Variants in PHACTR3 observed in about 807,000 individuals in gnomAD.
PHACTR3 encodes phosphatase and actin regulator 3.
A neutral mutation model predicts 66.8 loss-of-function variants in PHACTR3; 16 were observed. That is an observed-to-expected ratio of 0.24 (90% CI 0.16 to 0.36). PHACTR3 has a LOEUF of 0.36. Ranked by LOEUF, PHACTR3 falls within the 10% of genes least tolerant of loss-of-function variation. The pLI is 1.00. For synonymous variants in PHACTR3, 323 were observed against 292.1 expected (o/e 1.11, Z -1.08); for missense variants, 647 against 719.9 (o/e 0.90, Z 1.16).
At chr20:59,653,303 G>T (rs1417888437) in intron 1 of PHACTR3, among the ~76,000 whole-genome samples, 2 of 151,748 alleles carry the variant, frequency 1.3e-5, no homozygotes, top group Non-Finnish European at 2.9e-5. Context: ...TCCTGTCTCA[G>T]CCTTCTAAGT....
chr20:59,772,587 C>G (rs1182485), intron 5 of PHACTR3, among the ~76,000 whole-genome samples: 148,428 of 152,232 alleles, frequency 0.98, 72,386 homozygotes, highest in East Asian at 1. Context: ...TCAGGTTGGA[C>G]GGAGTGTGGT....
chr20:59,723,811 G>A (rs114745385), intron 1 of PHACTR3, among the ~76,000 whole-genome samples: 1,679 of 152,056 alleles, frequency 0.011, 28 homozygotes, highest in African/African-American at 0.039. Context: ...GGAGTAGAAT[G>A]TTCATGGTGA....
intron 1 of PHACTR3, among the ~76,000 whole-genome samples, chr20:59,596,050 G>A (rs559834060): frequency 1.3e-5 from 2 of 152,302 alleles, no homozygotes; most frequent in African/African-American, 2.4e-5. Context: ...AAGCCGCCTC[G>A]TGTCCTCTCT....
At chr20:59,746,456 G>A (rs1441190463) in intron 2 of PHACTR3, among the ~76,000 whole-genome samples, 1 of 152,234 alleles carries the variant, frequency 6.6e-6, no homozygotes, top group Non-Finnish European at 1.5e-5. Flanking sequence ...CAGTAAATGT[G>A]TAAGGGGTTT....
chr20:59,704,514 CT>C (rs1365612100), intron 1 of PHACTR3, among the ~76,000 whole-genome samples: 1 of 148,928 alleles, frequency 6.7e-6, no homozygotes, highest in Admixed American at 6.7e-5. Flanking sequence ...GTGTAGCTTC[CT>C]GATCATTCTG....
intron 2 of PHACTR3, among the ~76,000 whole-genome samples, chr20:59,745,340 A>G (rs1247694462): frequency 6.6e-6 from 1 of 151,992 alleles, no homozygotes; most frequent in East Asian, 1.9e-4. Flanking sequence ...TGGAAGGCTG[A>G]GGTTTGTCTT....
At chr20:59,697,607 T>A (rs2037347874) in intron 1 of PHACTR3, among the ~76,000 whole-genome samples, 1 of 152,108 alleles carries the variant, frequency 6.6e-6, no homozygotes, top group Admixed American at 6.5e-5. Context: ...ACCAAGGAAA[T>A]AGTCTTCATC....
Position 59,736,429 on chromosome 20 carries a change from G to A in PHACTR3, c.119-6678G>A, listed in dbSNP as rs1424434206. Among the ~76,000 whole-genome samples the A allele has an allele frequency of 6.6e-6, 1 of 152,118 alleles. No homozygotes were observed. Among genetic ancestry groups the A allele is most frequent in the Non-Finnish European group, 1.5e-5 (1 of 68,000 alleles). On this transcript the variant is annotated intron_variant, in intron 1 of 12. Coordinates refer to ENST00000371015, the MANE Select transcript of PHACTR3 (RefSeq NM_080672.5). The surrounding 1 kb of genome is among the most constrained non-coding windows in gnomAD (Gnocchi z 4.6). ...CATCTGTCCCTTCCCTCTGTGGACA[G>A]GTGTGCATGGGCCACATGCACCCGC... is the stretch of plus-strand genomic sequence containing the variant.
At chr20:59,785,598 C>T (rs2040876735) in intron 7 of PHACTR3, among the ~76,000 whole-genome samples, 1 of 152,164 alleles carries the variant, frequency 6.6e-6, no homozygotes, top group South Asian at 2.1e-4. Context: ...GGAGATGATT[C>T]GCCAGCGACC....
At chr20:59,635,184 TTCTTTCTTTC>T (rs1195484657) in intron 1 of PHACTR3, among the ~76,000 whole-genome samples, 1 of 58,588 alleles carries the variant, frequency 1.7e-5, no homozygotes, top group Non-Finnish European at 3.5e-5. Flanking sequence ...CTTTCTTTCT[TTCTTTCTTTC>T]TCTTTCTTTC....
intron 7 of PHACTR3, among the ~76,000 whole-genome samples, chr20:59,784,982 A>C (rs1009189490): frequency 1.4e-5 from 2 of 147,750 alleles, no homozygotes; most frequent in East Asian, 4.3e-4. Context: ...GTCATGATTC[A>C]AGCCTTGGAA....
At chr20:59,790,048 A>C (rs147154084) in intron 7 of PHACTR3, among the ~76,000 whole-genome samples, 162 of 152,336 alleles carry the variant, frequency 1.1e-3, no homozygotes, top group African/African-American at 3.8e-3. Context: ...AAGATATCTC[A>C]TCATGAGTTT....
intron 1 of PHACTR3, among the ~76,000 whole-genome samples, chr20:59,589,065 C>T (rs1047065072): frequency 6.6e-6 from 1 of 152,192 alleles, no homozygotes; most frequent in Non-Finnish European, 1.5e-5. Context: ...TCACAGGTCC[C>T]CCAAAGTAGC....
intron 1 of PHACTR3, among the ~76,000 whole-genome samples, chr20:59,739,862 T>G (rs2039087653): frequency 6.6e-6 from 1 of 152,070 alleles, no homozygotes; most frequent in African/African-American, 2.4e-5. Flanking sequence ...GTCCCCTCGA[T>G]GCAGCTTTGG....
At chr20:59,798,863 GTTC>G (rs2041331173) in intron 7 of PHACTR3, among the ~76,000 whole-genome samples, 1 of 151,562 alleles carries the variant, frequency 6.6e-6, no homozygotes, top group Non-Finnish European at 1.5e-5. Context: ...GGTTTATTTT[GTTC>G]TTCTTTGTCT....
Position 59,686,773 on chromosome 20 carries a change from A to G in PHACTR3, c.119-56334A>G, listed in dbSNP as rs369781453. Among the ~76,000 whole-genome samples the G allele has an allele frequency of 1.6e-3, 217 of 134,386 alleles. 1 individual carries two copies. Among genetic ancestry groups the G allele is most frequent in the African/African-American group, 4.4e-3 (155 of 35,480 alleles). The allele number at this position is 134,386 out of a possible 152,430, so 88.2% of individuals were successfully genotyped here. On this transcript the variant is annotated intron_variant, in intron 1 of 12. Coordinates refer to ENST00000371015, the MANE Select transcript of PHACTR3 (RefSeq NM_080672.5). The stretch of plus-strand genomic sequence containing the variant: ...GATGATGATGGTGATGATGATGGTG[A>G]TGATGATGGTGATGATGATGGTGGT...
rs139349423 is a variant in PHACTR3 at position 59,586,234 on chromosome 20, C to T, written c.109+8617C>T. On this transcript the variant is annotated intron_variant, in intron 1 of 12. Transcript: ENST00000359926. ...ACATTTGGACCTAAGTTCATTGCCA[C>T]TCCCCCAGAGGGCAAACACTAAAAA... Among the ~76,000 whole-genome samples the T allele has an allele frequency of 5.3e-5, 8 of 152,308 alleles. No individual in the cohort carries two copies. The East Asian group carries it at 1.5e-3, about 29-fold the overall frequency.
intron 1 of PHACTR3, among the ~76,000 whole-genome samples, chr20:59,660,436 G>T (rs145062578): frequency 0.039 from 5,989 of 152,322 alleles, 350 homozygotes; most frequent in East Asian, 0.29. Flanking sequence ...GGAGCTTGCA[G>T]TGAGCCGAGA....
intron 1 of PHACTR3, among the ~76,000 whole-genome samples, chr20:59,661,833 G>T (rs1000538367): frequency 1.3e-5 from 2 of 151,982 alleles, no homozygotes; most frequent in Admixed American, 1.3e-4. Flanking sequence ...GACTGGCTTC[G>T]GCAGTTAGGT....
Sources: gnomAD v4.1 joint callset for allele counts (sites outside exome capture counted in the v4.1 genomes callset) on GRCh38, gnomAD v4.1.1 for gene constraint, Gnocchi (gnomAD v3.1) non-coding constraint, MANE v1.5 for transcripts, NCBI Gene and HGNC (gene_info 2026-07-23, HGNC 2026-07-21) for gene names.